The following PPARGC1A variants were observed in gnomAD, a reference collection of about 807,000 sequenced individuals.
PPARGC1A encodes peroxisome proliferator-activated receptor gamma coactivator 1-alpha.
In PPARGC1A, 25 loss-of-function variants were observed where a neutral mutation model predicts 88.7. That is an observed-to-expected ratio of 0.28 (90% confidence interval 0.21 to 0.39). PPARGC1A has a LOEUF of 0.39. Ranked by LOEUF, PPARGC1A falls within the 10% of genes least tolerant of loss-of-function variation. PPARGC1A has a pLI of 1.00. For synonymous variants in PPARGC1A, 363 were observed against 355.6 expected (o/e 1.02, Z -0.24); for missense variants, 880 against 968.7 (o/e 0.91, Z 1.22).
At chr4:24,073,625 T>C in the PPARGC1A span, among the ~76,000 whole-genome samples, 17 of 152,296 alleles carry the variant, frequency 1.1e-4, no homozygotes, top group African/African-American at 3.8e-4. Context: ...ACAATGATTA[T>C]GATGATGTGA....
the PPARGC1A span, among the ~76,000 whole-genome samples, chr4:24,279,131 C>T: frequency 5.3e-5 from 8 of 152,188 alleles, no homozygotes; most frequent in African/African-American, 1.4e-4. Context: ...TCTATACTTC[C>T]GTGGTCCAAC....
At chr4:24,063,291 C>T in the PPARGC1A span, among the ~76,000 whole-genome samples, 18 of 152,276 alleles carry the variant, frequency 1.2e-4, no homozygotes, top group African/African-American at 4.1e-4. Context: ...TCAAGCCTGA[C>T]AAGAGGGGAA....
chr4:24,407,020 CT>C, the PPARGC1A span, among the ~76,000 whole-genome samples: 1 of 152,234 alleles, frequency 6.6e-6, no homozygotes, highest in African/African-American at 2.4e-5. Context: ...TGAGCCTTTT[CT>C]TTTTCAGCTA....
At chr4:23,949,633 C>T in the PPARGC1A span, among the ~76,000 whole-genome samples, 1 of 152,158 alleles carries the variant, frequency 6.6e-6, no homozygotes, top group African/African-American at 2.4e-5. Flanking sequence ...CAAATGGATT[C>T]CATTTTGCCA....
the PPARGC1A span, among the ~76,000 whole-genome samples, chr4:24,352,053 T>A: frequency 4.6e-4 from 70 of 152,164 alleles, 1 homozygote; most frequent in African/African-American, 1.6e-3. Context: ...GCCAGGGGGA[T>A]TGATTTGGGG....
intron 7 of PPARGC1A, 31 bp from the exon 8 acceptor site, chr4:23,814,636 AGAGAGAG>A: frequency 5.8e-6 from 7 of 1,205,296 alleles, no homozygotes; most frequent in Middle Eastern, 2.9e-4. Flanking sequence ...AAAAAAAAAA[AGAGAGAG>A]AAAGAAAAGA....
the PPARGC1A span, among the ~76,000 whole-genome samples, chr4:24,022,949 G>A: frequency 2.0e-5 from 3 of 152,278 alleles, no homozygotes; most frequent in Admixed American, 2.0e-4. Flanking sequence ...AATAAGACAT[G>A]TGCCTTAACC....
At chr4:24,057,142 C>T in the PPARGC1A span, among the ~76,000 whole-genome samples, 21 of 152,210 alleles carry the variant, frequency 1.4e-4, no homozygotes, top group African/African-American at 4.8e-4. Flanking sequence ...CATTTTGACA[C>T]GTACTACAGC....
At chr4:24,331,571 A>C in the PPARGC1A span, among the ~76,000 whole-genome samples, 1 of 152,178 alleles carries the variant, frequency 6.6e-6, no homozygotes, top group African/African-American at 2.4e-5. Context: ...ATCTCAAAAA[A>C]TATTGTTAAA....
At chr4:24,401,891 G>C in the PPARGC1A span, among the ~76,000 whole-genome samples, 1 of 152,314 alleles carries the variant, frequency 6.6e-6, no homozygotes, top group Non-Finnish European at 1.5e-5. Context: ...TTACTTTACA[G>C]ATGAAGAAAC....
chr4:23,950,659 G>A, the PPARGC1A span, among the ~76,000 whole-genome samples: 1 of 152,156 alleles, frequency 6.6e-6, no homozygotes, highest in Non-Finnish European at 1.5e-5. Context: ...AAGAGTGGAT[G>A]TAAGGATCCT....
At chr4:23,847,969 T>A (rs1339014872) in intron 2 of PPARGC1A, among the ~76,000 whole-genome samples, 1 of 152,150 alleles carries the variant, frequency 6.6e-6, no homozygotes, top group African/African-American at 2.4e-5. Context: ...ATAGCTAAAG[T>A]GTGATTAAAT....
At chr4:23,809,282 T>G (rs1399683070) in intron 10 of PPARGC1A, among the ~76,000 whole-genome samples, 4 of 152,164 alleles carry the variant, frequency 2.6e-5, no homozygotes, top group Non-Finnish European at 5.9e-5. Context: ...GCTAACTATT[T>G]GGAGGAAGGG....
At chr4:23,797,001 T>C (rs1223196087) in intron 12 of PPARGC1A, among the ~76,000 whole-genome samples, 1 of 151,948 alleles carries the variant, frequency 6.6e-6, no homozygotes, top group Non-Finnish European at 1.5e-5. Context: ...CAAACCAAGC[T>C]CTCTAGCTCC....
At position 23,884,794 on chromosome 4, in the gene PPARGC1A, T is replaced by C. The variant is rs1013368919; in HGVS notation, c.192A>G (p.Ile64Met). ...GLKWCSDQSE[I>M]ISNQYNNEPS... Reference sequence around the variant, plus strand: ...GCTCATTGTTGTACTGATTGGATATTATTTCTGATTGGTCACTGCACCACT... The same window carrying C: ...GCTCATTGTTGTACTGATTGGATATCATTTCTGATTGGTCACTGCACCACT... Residue 64 changes from isoleucine (I) to methionine (M), a missense_variant, in exon 2 of 13, where the codon ATA becomes ATG. Transcript: ENST00000264867. The C allele has an allele frequency of 6.2e-7, 1 of 1,613,850 alleles. No individual in the cohort carries two copies. Among genetic ancestry groups the C allele is most frequent in the Non-Finnish European group, 8.5e-7 (1 of 1,179,916 alleles).
the PPARGC1A span, among the ~76,000 whole-genome samples, chr4:24,442,688 C>T: frequency 6.6e-6 from 1 of 152,100 alleles, no homozygotes; most frequent in Non-Finnish European, 1.5e-5. Flanking sequence ...ATGGGGAGGA[C>T]ATGTTTTATA....
chr4:23,835,928 T>G (rs1725934642), intron 2 of PPARGC1A, among the ~76,000 whole-genome samples: 2 of 152,090 alleles, frequency 1.3e-5, no homozygotes, highest in African/African-American at 4.8e-5. Context: ...CATTATTGCT[T>G]TGGTCCCAAT....
the PPARGC1A span, among the ~76,000 whole-genome samples, chr4:24,283,320 C>T: frequency 3.9e-5 from 6 of 152,312 alleles, no homozygotes; most frequent in South Asian, 4.1e-4. Flanking sequence ...CACCAACTAG[C>T]CATGCCATGG....
At chr4:24,035,964 T>C in the PPARGC1A span, among the ~76,000 whole-genome samples, 1 of 152,202 alleles carries the variant, frequency 6.6e-6, no homozygotes, top group African/African-American at 2.4e-5. Flanking sequence ...ACGTGTTTAC[T>C]TCCCATAACT....
Sources: gnomAD v4.1 joint callset for allele counts (sites outside exome capture counted in the v4.1 genomes callset) on GRCh38, gnomAD v4.1.1 for gene constraint, MANE v1.5 for transcripts, NCBI Gene and HGNC (gene_info 2026-07-23, HGNC 2026-07-21) for gene names.